The following KCNH6 variants were observed in gnomAD, a reference collection of about 807,000 sequenced individuals.
KCNH6 encodes the protein potassium voltage-gated channel subfamily H member 6.
A neutral mutation model predicts 83.4 loss-of-function variants in KCNH6; 81 were observed. The observed-to-expected ratio is 0.97, with a 90% CI of 0.81 to 1.17. The LOEUF is 1.17. KCNH6 is among the 50% of genes most tolerant of loss of function. The pLI is 0.00. For missense variants in KCNH6, 1,203 were observed against 1,290.5 expected (o/e 0.93, Z 1.04); for synonymous variants, 503 against 545.6 (o/e 0.92, Z 1.09).
chr17:63,542,457 A>C, intron 9 of KCNH6, 23 bp downstream of exon 9: 1 of 1,608,086 alleles, frequency 6.2e-7, no homozygotes, highest in Non-Finnish European at 8.5e-7. Flanking sequence ...CAGGTGGGCC[A>C]GGGTGGGTGG....
Position 63,533,837 on chromosome 17 carries a change from A to G in KCNH6, c.676-49A>G. ...GGCCTCAGCCCTCTAGGCCAGTCTC[A>G]CCAGCAGTGGCTGCCCCGTGCCTGA... On this transcript the variant is annotated intron_variant, in intron 4 of 12. Transcript: ENST00000314672. This position sits in a 1 kb window ranked among gnomAD's most constrained non-coding sequence, Gnocchi z 4.1. 5 of 1,560,650 alleles carry G rather than the reference A, an allele frequency of 3.2e-6. No individual in the cohort carries two copies. The highest frequency in any genetic ancestry group is 3.5e-6 in the Non-Finnish European group (4 of 1,149,640).
chr17:63,546,239 CAA>C lies in KCNH6; in HGVS notation c.*354_*355del, dbSNP rs79018117. 1.7e-3 allele frequency: 111 copies of C among 65,422 alleles called. No individual in the cohort carries two copies. Among genetic ancestry groups the C allele is most frequent in the Middle Eastern group, 8.6e-3 (1 of 116 alleles). The allele number at this position is 65,422 out of a possible 1,614,324, so 4.1% of individuals were successfully genotyped here. A position where few individuals can be genotyped will look rare whatever the true frequency, so the allele number is the denominator to read the frequency against. On this transcript the variant is annotated 3_prime_UTR_variant, in exon 13 of 13. Coordinates refer to ENST00000314672, the MANE Select transcript of KCNH6 (RefSeq NM_001278919.2). ...TGGGTGACAGAGTGAGACTCCAACTCAAAAAAAAAAAAAAAAAAGATCTTGGG... is the reference window on the plus strand; with the variant it reads ...TGGGTGACAGAGTGAGACTCCAACTCAAAAAAAAAAAAAAAAGATCTTGGG...
rs367749122 is a variant in KCNH6, at chr17:63,544,127, G to A, written c.2234-122G>A. 6.3e-4 allele frequency: 1,014 copies of A among 1,605,788 alleles called. 21 individuals are homozygous for A. The South Asian group carries it at 0.011, about 17-fold the overall frequency. ...GTGCTCCAGGGCACCCAGGTAAGGA[G>A]AGCCACTCCTCACACCCTGTGTCCC... On this transcript the variant is annotated intron_variant, in intron 10 of 12. Transcript: ENST00000314672.
rs1302575995 is a variant in KCNH6, at chr17:63,534,950, G to T, written c.1101+639G>T. On this transcript the variant is annotated intron_variant, in intron 5 of 12. Transcript: ENST00000314672. The surrounding 1 kb of genome is among the most constrained non-coding windows in gnomAD (Gnocchi z 5.0). ...AACAAATCCACCCTCCTACCTTGCTGCCCCCACCTGGACACTGAGTGGCCT... is the reference window on the plus strand; with the variant it reads ...AACAAATCCACCCTCCTACCTTGCTTCCCCCACCTGGACACTGAGTGGCCT... Among the ~76,000 whole-genome samples, 1 of 151,856 alleles carries T rather than the reference G, an allele frequency of 6.6e-6. No individual in the cohort carries two copies. The highest frequency in any genetic ancestry group is 1.9e-4 in the East Asian group (1 of 5,172).
intron 9 of KCNH6, 45 bp downstream of exon 9, chr17:63,542,479 C>G: frequency 6.4e-7 from 1 of 1,569,700 alleles, no homozygotes; most frequent in Non-Finnish European, 8.8e-7. Context: ...AATGCCCAGG[C>G]AGCCTGCCTG....
chr17:63,523,576 C>A lies in KCNH6; in HGVS notation c.76+87C>A, dbSNP rs1017612124. 5 of 1,282,638 alleles carry A rather than the reference C, an allele frequency of 3.9e-6. 1 individual carries two copies. The highest frequency in any genetic ancestry group is 3.0e-5 in the African/African-American group (2 of 66,420). 79.5% of individuals were successfully genotyped at this position (1,282,638 alleles called of 1,614,324 possible). ...GCTGGACCCCTTTACTAACTTCTAACCGGGCAAGGTGGTGAGTGCCGGGTG... is the reference window on the plus strand; with the variant it reads ...GCTGGACCCCTTTACTAACTTCTAAACGGGCAAGGTGGTGAGTGCCGGGTG... On this transcript the variant is annotated intron_variant, in intron 1 of 12. Transcript: ENST00000314672. This position sits in a 1 kb window ranked among gnomAD's most constrained non-coding sequence, Gnocchi z 4.2.
At chr17:63,540,243 C>T (rs998407262) in intron 8 of KCNH6, among the ~76,000 whole-genome samples, 8 of 152,144 alleles carry the variant, frequency 5.3e-5, no homozygotes, top group African/African-American at 1.9e-4. Context: ...ACCAACCTGG[C>T]CAAGATGATG....
chr17:63,532,533 C>T (rs1018490045), intron 4 of KCNH6, among the ~76,000 whole-genome samples: 12 of 152,086 alleles, frequency 7.9e-5, no homozygotes, highest in African/African-American at 2.2e-4. Flanking sequence ...TATGTGGAGT[C>T]GGAGGGGGCT....
At position 63,534,122 on chromosome 17, in the gene KCNH6, T is replaced by G; in HGVS notation, c.912T>G (p.Asp304Glu). 1 of 1,589,798 alleles carries G rather than the reference T, an allele frequency of 6.3e-7. No homozygotes were observed. Among genetic ancestry groups the G allele is most frequent in the Non-Finnish European group, 8.5e-7 (1 of 1,170,878 alleles). ...SYTCSPLTVV[D>E]LIVDIMFVVD... is the part of the protein sequence containing the mutation. ...CCTGCAGTCCCCTCACTGTGGTGGATCTCATCGTGGACATCATGTTCGTCG... is the reference window on the plus strand; with the variant it reads ...CCTGCAGTCCCCTCACTGTGGTGGAGCTCATCGTGGACATCATGTTCGTCG... The change falls in exon 5 of 13, where the codon GAT (aspartate) becomes GAG (glutamate). Residue 304 changes from aspartate (D) to glutamate (E), a missense_variant. By Grantham distance (45) the Asp-to-Glu change is conservative. Transcript: ENST00000314672. The surrounding 1 kb of genome is among the most constrained non-coding windows in gnomAD (Gnocchi z 5.0).
chr17:63,543,548 G>A, intron 9 of KCNH6, 28 bp from the exon 10 acceptor site: 1 of 1,495,844 alleles, frequency 6.7e-7, no homozygotes, highest in Non-Finnish European at 9.3e-7. Flanking sequence ...TTTGGTTCCT[G>A]TTATTTCACC....
Position 63,523,435 on chromosome 17 carries a change from G to C in KCNH6, c.22G>C (p.Val8Leu). 6.2e-7 allele frequency: 1 copy of C among 1,602,880 alleles called. No individual in the cohort carries two copies. The highest frequency in any genetic ancestry group is 8.5e-7 in the Non-Finnish European group (1 of 1,175,012). ...AAAGATGCCGGTCCGCAGGGGCCAC[G>C]TCGCTCCCCAAAACACTTACCTGGA... MPVRRGHVAPQNTYLDTI... is the reference protein window; with the variant it reads MPVRRGHLAPQNTYLDTI... Residue 8 changes from valine (V) to leucine (L), a missense_variant, in exon 1 of 13, where the codon GTC (valine) becomes CTC (leucine). Physicochemically the swap from Val to Leu is conservative, Grantham distance 32. Transcript: ENST00000314672. This position sits in a 1 kb window ranked among gnomAD's most constrained non-coding sequence, Gnocchi z 4.2.
chr17:63,531,090 G>A (rs2032076753), intron 4 of KCNH6, among the ~76,000 whole-genome samples: 1 of 152,220 alleles, frequency 6.6e-6, no homozygotes, highest in African/African-American at 2.4e-5. Flanking sequence ...TCAGCTTCCT[G>A]GGGGCCAGGC....
In KCNH6 at chr17:63,538,544, C is replaced by G; in HGVS notation, c.1836C>G (p.Thr612=). 1 of 1,610,688 alleles carries G rather than the reference C, an allele frequency of 6.2e-7. No homozygotes were observed. Among genetic ancestry groups the G allele is most frequent in the South Asian group, 1.1e-5 (1 of 90,630 alleles). Residue 612 remains threonine, a synonymous_variant, in exon 8 of 13, where the codon ACC becomes ACG. Coordinates refer to ENST00000314672, the MANE Select transcript of KCNH6 (RefSeq NM_001278919.2). The surrounding 1 kb of genome is among the most constrained non-coding windows in gnomAD (Gnocchi z 4.0). ...CLRALAVKFK[T]THAPPGDTLV... ...GCGCGCTAGCCGTCAAGTTCAAGAC[C>G]ACCCACGCGCCGCCTGGGGACACGC...
Position 63,545,622 on chromosome 17 carries a change from G to A in KCNH6, c.2597G>A (p.Gly866Glu). The A allele has an allele frequency of 1.2e-6, 2 of 1,613,402 alleles. No homozygotes were observed. Among genetic ancestry groups the A allele is most frequent in the Non-Finnish European group, 1.7e-6 (2 of 1,179,644 alleles). The change falls in exon 13 of 13, where the codon GGA becomes GAA. Residue 866 changes from glycine to glutamate, a missense_variant. Gly to Glu is a moderately conservative substitution (Grantham distance 98). Coordinates refer to ENST00000314672, the MANE Select transcript of KCNH6 (RefSeq NM_001278919.2). ...TGCTCCTCCCAGACCCCAAGCTATG[G>A]AGACTTGGATGACTGTAGTCCAAAG... ...FLPPAQTPSY[G>E]DLDDCSPKHR...
Position 63,538,506 on chromosome 17 carries a change from AAGGGCT to A in KCNH6, c.1799_1804del (p.Lys600_Cys602delinsSer). The A allele has an allele frequency of 6.2e-7, 1 of 1,603,814 alleles. No individual in the cohort carries two copies. Among genetic ancestry groups the A allele is most frequent in the Non-Finnish European group, 8.5e-7 (1 of 1,175,802 alleles). ...CTGCCCAGCTTTCAGCGGCGCCGGC[AAGGGCT>A]GCCTGCGCGCGCTAGCCGTCAAGTT... is the stretch of plus-strand genomic sequence containing the variant. On this transcript the variant is annotated inframe_deletion, in exon 8 of 13. Transcript: ENST00000314672. The surrounding 1 kb of genome is among the most constrained non-coding windows in gnomAD (Gnocchi z 4.0).
At position 63,538,551 on chromosome 17, in the gene KCNH6, G is replaced by T. The variant is rs759542121; in HGVS notation, c.1843G>T (p.Ala615Ser). Residue 615 changes from alanine (A) to serine (S), a missense_variant, in exon 8 of 13, where the codon GCG becomes TCG. By Grantham distance (99) the Ala-to-Ser change is moderately conservative. Coordinates refer to ENST00000314672, the MANE Select transcript of KCNH6 (RefSeq NM_001278919.2). This position sits in a 1 kb window ranked among gnomAD's most constrained non-coding sequence, Gnocchi z 4.0. ...AGCCGTCAAGTTCAAGACCACCCAC[G>T]CGCCGCCTGGGGACACGCTGGTGCA... ...ALAVKFKTTH[A>S]PPGDTLVHLG... 1.2e-6 allele frequency: 2 copies of T among 1,611,394 alleles called. No homozygotes were observed. Among genetic ancestry groups the T allele is most frequent in the African/African-American group, 2.7e-5 (2 of 74,874 alleles).
In KCNH6 at chr17:63,544,428, C is replaced by A; in HGVS notation, c.2396+17C>A. The stretch of plus-strand genomic sequence containing the variant: ...GATGAACAGGTGTGTGTGCTGTGGT[C>A]AGGGCTGGGGGCTGGTCATGGGTAG... On this transcript the variant is annotated intron_variant, in intron 11 of 12. Transcript: ENST00000314672. The A allele has an allele frequency of 1.3e-6, 2 of 1,524,724 alleles. No individual in the cohort carries two copies. Among genetic ancestry groups the A allele is most frequent in the Non-Finnish European group, 1.8e-6 (2 of 1,137,128 alleles). The allele number at this position is 1,524,724 out of a possible 1,614,324, so 94.4% of individuals were successfully genotyped here.
At chr17:63,526,282 C>T (rs977560716) in intron 2 of KCNH6, among the ~76,000 whole-genome samples, 1 of 152,124 alleles carries the variant, frequency 6.6e-6, no homozygotes, top group Non-Finnish European at 1.5e-5. Context: ...CTGAAATTGT[C>T]CTGAAACCCA....
intron 2 of KCNH6, 131 bp from the exon 3 acceptor site, chr17:63,529,960 G>A: frequency 2.1e-6 from 2 of 935,714 alleles, no homozygotes; most frequent in Non-Finnish European, 3.2e-6. Context: ...CAGTATCTCT[G>A]GTCACTGTCC....
Sources: gnomAD v4.1 joint callset for allele counts (sites outside exome capture counted in the v4.1 genomes callset) on GRCh38, gnomAD v4.1.1 for gene constraint, Gnocchi (gnomAD v3.1) non-coding constraint, MANE v1.5 for transcripts, NCBI Gene and HGNC (gene_info 2026-07-23, HGNC 2026-07-21) for gene names.